The following OR8J1 variants were observed in gnomAD, a reference collection of about 807,000 sequenced individuals.
The protein encoded by OR8J1 is olfactory receptor 8J1.
For synonymous variants in OR8J1, 157 were observed against 144.3 expected (o/e 1.09, Z -0.63); for missense variants, 400 against 373.0 (o/e 1.07, Z -0.60).
intron 1 of OR8J1, chr11:56,357,898 C>A (rs2134913432): frequency 1.2e-6 from 1 of 849,932 alleles, no homozygotes; most frequent in East Asian, 2.4e-5. Flanking sequence ...GGATTTAATG[C>A]AGAAGTACAC....
intron 1 of OR8J1, among the ~76,000 whole-genome samples, chr11:56,359,808 C>T (rs1360017603): frequency 1.3e-5 from 2 of 152,058 alleles, no homozygotes; most frequent in Non-Finnish European, 2.9e-5. Flanking sequence ...CCTAGAATCA[C>T]CCATTCCTAA....
At position 56,360,794 on chromosome 11, in the gene OR8J1, CT is replaced by C; in HGVS notation, c.549del (p.Leu184CysfsTer2). The C allele has an allele frequency of 1.3e-6, 2 of 1,571,752 alleles. No homozygotes were observed. Among genetic ancestry groups the C allele is most frequent in the Non-Finnish European group, 1.7e-6 (2 of 1,164,254 alleles). On this transcript the variant is annotated frameshift_variant, in exon 2 of 2. Transcript: ENST00000533152. LOFTEE classifies it low-confidence loss of function (END_TRUNC). ...IINHFYCDNVPLLALSCSDTY... is the reference protein window; with the variant it reads ...IINHFYCDNVXLLALSCSDTY... ...AATCATTTTTACTGTGATAATGTTC[CT>C]CTGTTAGCATTATCTTGCTCTGATA...
At position 56,361,393 on chromosome 11, in the gene OR8J1, A is replaced by G. The variant is rs907573354; in HGVS notation, c.*196A>G. ...CCTTTGAGTTGTGAGGTTAAGTTAG[A>G]AAAAAAAAATGTTATTTACCAATTC... On this transcript the variant is annotated 3_prime_UTR_variant, in exon 2 of 2. Coordinates refer to ENST00000533152, the MANE Select transcript of OR8J1 (RefSeq NM_001005205.3). 12 of 356,350 alleles carry G rather than the reference A, an allele frequency of 3.4e-5. No homozygotes were observed. Among genetic ancestry groups the G allele is most frequent in the Non-Finnish European group, 5.3e-5 (11 of 207,032 alleles). 22.1% of individuals were successfully genotyped at this position (356,350 alleles called of 1,614,324 possible). A position where few individuals can be genotyped will look rare whatever the true frequency, so the allele number is the denominator to read the frequency against.
At chr11:56,355,464 C>T (rs2134910373) in intron 1 of OR8J1, among the ~76,000 whole-genome samples, 1 of 151,964 alleles carries the variant, frequency 6.6e-6, no homozygotes, top group South Asian at 2.1e-4. Context: ...CCCGTCTCTA[C>T]TAAAAATACA....
chr11:56,357,854 C>A, intron 1 of OR8J1: 1 of 924,448 alleles, frequency 1.1e-6, no homozygotes, highest in Non-Finnish European at 1.8e-6. Flanking sequence ...CTCACAGTAC[C>A]AAACAATTCC....
intron 1 of OR8J1, 52 bp from the exon 2 acceptor site, chr11:56,360,175 A>G (rs1852613965): frequency 2.5e-6 from 3 of 1,185,710 alleles, no homozygotes; most frequent in Non-Finnish European, 3.6e-6. Flanking sequence ...ATATAAGGGC[A>G]GTCCTGCAAA....
rs757385960 is a variant in OR8J1 at position 56,361,000 on chromosome 11, TA to T, written c.755del (p.Tyr252LeufsTer31). ...ASHMMAVTIF[Y>X]GTLLFMYVQP... is the part of the protein sequence containing the mutation. Reference sequence around the variant, plus strand: ...ACATATGATGGCAGTCACAATTTTTTATGGGACATTGCTATTCATGTATGTG... The same window carrying T: ...ACATATGATGGCAGTCACAATTTTTTTGGGACATTGCTATTCATGTATGTG... On this transcript the variant is annotated frameshift_variant, in exon 2 of 2. Transcript: ENST00000533152. LOFTEE classifies it low-confidence loss of function (END_TRUNC). 86 of 1,482,288 alleles carry T rather than the reference TA, an allele frequency of 5.8e-5. No individual in the cohort carries two copies. Among genetic ancestry groups the T allele is most frequent in the Non-Finnish European group, 7.3e-5 (82 of 1,120,986 alleles). The allele number at this position is 1,482,288 out of a possible 1,614,324, so 91.8% of individuals were successfully genotyped here. A position where few individuals can be genotyped will look rare whatever the true frequency, so the allele number is the denominator to read the frequency against.
rs760911965 is a variant in OR8J1, at chr11:56,361,287, G to A, written c.*90G>A. 2.1e-6 allele frequency: 1 copy of A among 471,082 alleles called. No individual in the cohort carries two copies. Among genetic ancestry groups the A allele is most frequent in the Non-Finnish European group, 3.5e-6 (1 of 285,840 alleles). 29.2% of individuals were successfully genotyped at this position (471,082 alleles called of 1,614,324 possible). A position where few individuals can be genotyped will look rare whatever the true frequency, so the allele number is the denominator to read the frequency against. ...TAGGAAAAAGAAAAGGTAGGTAGCCGAGTTACAGGTTCGTAAGCAATCATA... is the reference window on the plus strand; with the variant it reads ...TAGGAAAAAGAAAAGGTAGGTAGCCAAGTTACAGGTTCGTAAGCAATCATA... On this transcript the variant is annotated 3_prime_UTR_variant, in exon 2 of 2. Coordinates refer to ENST00000533152, the MANE Select transcript of OR8J1 (RefSeq NM_001005205.3).
chr11:56,354,410 G>A (rs1264606738), intron 1 of OR8J1, 85 bp downstream of exon 1: 2 of 152,096 alleles, frequency 1.3e-5, no homozygotes, highest in Non-Finnish European at 2.9e-5. Flanking sequence ...ATGAGCCAAG[G>A]TATGGTTTTG....
intron 1 of OR8J1, among the ~76,000 whole-genome samples, chr11:56,356,028 G>C (rs1362171036): frequency 6.6e-6 from 1 of 152,176 alleles, no homozygotes; most frequent in Non-Finnish European, 1.5e-5. Flanking sequence ...GACCAGAAAA[G>C]TCATGTGAAT....
intron 1 of OR8J1, among the ~76,000 whole-genome samples, chr11:56,354,582 G>A (rs1243734864): frequency 6.6e-6 from 1 of 152,078 alleles, no homozygotes; most frequent in Non-Finnish European, 1.5e-5. Flanking sequence ...AAAAAATTAT[G>A]TCACTACTGA....
At chr11:56,355,772 C>A (rs1173293478) in intron 1 of OR8J1, among the ~76,000 whole-genome samples, 1 of 152,092 alleles carries the variant, frequency 6.6e-6, no homozygotes. Flanking sequence ...TTGAACATGC[C>A]TAGAGAGTAA....
chr11:56,357,214 A>C (rs1172074038), intron 1 of OR8J1: 1 of 260,224 alleles, frequency 3.8e-6, no homozygotes, highest in Admixed American at 5.0e-5. Context: ...TCTTTTTAAA[A>C]CTTAAAGCCA....
chr11:56,357,424 A>C, intron 1 of OR8J1: 1 of 883,204 alleles, frequency 1.1e-6, no homozygotes, highest in Middle Eastern at 3.4e-4. Context: ...TATGCTCGGA[A>C]ACGCTTGGTG....
Position 56,360,230 on chromosome 11 carries a change from A to G in OR8J1, c.-17A>G. ...ACCTCTCTTTTCCCCCAAACAGATGAATTTCCAAACTCTGACATGGCTCCT... is the reference window on the plus strand; with the variant it reads ...ACCTCTCTTTTCCCCCAAACAGATGGATTTCCAAACTCTGACATGGCTCCT... On this transcript the variant is annotated 5_prime_UTR_variant, in exon 2 of 2. Transcript: ENST00000533152. 6.5e-7 allele frequency: 1 copy of G among 1,543,590 alleles called. No individual in the cohort carries two copies. Among genetic ancestry groups the G allele is most frequent in the East Asian group, 2.3e-5 (1 of 44,432 alleles).
chr11:56,358,611 A>G (rs1852591645), intron 1 of OR8J1, among the ~76,000 whole-genome samples: 1 of 152,194 alleles, frequency 6.6e-6, no homozygotes, highest in Non-Finnish European at 1.5e-5. Flanking sequence ...CTAAAATTAA[A>G]AAAGACCTTC....
Position 56,360,270 on chromosome 11 carries a change from A to G in OR8J1, c.24A>G (p.Arg8=), listed in dbSNP as rs7942390. 1,386,982 of 1,577,266 alleles carry G rather than the reference A, an allele frequency of 0.88. 610,619 individuals are homozygous for G. Among genetic ancestry groups the G allele is most frequent in the African/African-American group, 0.94 (68,955 of 73,198 alleles). The change falls in exon 2 of 2, where the codon AGA becomes AGG. Residue 8 remains arginine (R), a synonymous_variant. Coordinates refer to ENST00000533152, the MANE Select transcript of OR8J1 (RefSeq NM_001005205.3). ...ACATGGCTCCTGAAAATTTCACCAG[A>G]GTCACTGAGTTTATTCTTACAGGTG... The part of the protein sequence containing the change: MAPENFT[R]VTEFILTGVS...
chr11:56,357,490 T>C (rs1280677522), intron 1 of OR8J1: 17 of 857,766 alleles, frequency 2.0e-5, no homozygotes, highest in Non-Finnish European at 1.8e-5. Flanking sequence ...GTTCATGTAA[T>C]AAACAGATAT....
Position 56,360,884 on chromosome 11 carries a change from T to C in OR8J1, c.638T>C (p.Ile213Thr), listed in dbSNP as rs779515422. 3 of 1,508,950 alleles carry C rather than the reference T, an allele frequency of 2.0e-6. No individual in the cohort carries two copies. Among genetic ancestry groups the C allele is most frequent in the South Asian group, 1.4e-5 (1 of 71,016 alleles). The allele number at this position is 1,508,950 out of a possible 1,614,324, so 93.5% of individuals were successfully genotyped here. ...AATNVVGSLIIVLVSYFNIVL... is the reference protein window; with the variant it reads ...AATNVVGSLITVLVSYFNIVL... ...ACAAATGTGGTTGGTTCCTTGATTA[T>C]AGTTCTAGTATCTTATTTCAATATT... Residue 213 changes from isoleucine (I) to threonine (T), a missense_variant, in exon 2 of 2, where the codon ATA (isoleucine) becomes ACA (threonine). Ile to Thr is a moderately conservative substitution (Grantham distance 89). Coordinates refer to ENST00000533152, the MANE Select transcript of OR8J1 (RefSeq NM_001005205.3).
Sources: allele counts gnomAD v4.1 joint callset (sites outside exome capture counted in the v4.1 genomes callset), GRCh38; gene constraint gnomAD v4.1.1; transcripts MANE v1.5; gene names NCBI Gene and HGNC (gene_info 2026-07-23, HGNC 2026-07-21).